Variants in ARHGAP12 observed in about 807,000 individuals in gnomAD.
ARHGAP12 encodes the protein rho GTPase-activating protein 12.
ARHGAP12 carries 64 observed loss-of-function variants against 108.6 expected under a neutral mutation model. The observed-to-expected ratio is 0.59, with a 90% confidence interval of 0.48 to 0.73. The LOEUF (loss-of-function observed/expected upper bound fraction) is 0.73. Among genes scored for constraint, ARHGAP12 ranks in the 30% least tolerant of loss-of-function variants. ARHGAP12 has a pLI of 0.00. For synonymous variants in ARHGAP12, 312 were observed against 337.2 expected, an observed-to-expected ratio of 0.93 and a Z score of 0.82; for missense variants, 940 against 1,005.9, an observed-to-expected ratio of 0.93 and a Z score of 0.89.
chr10:31,914,280 C>T (rs1272280923), intron 1 of ARHGAP12, among the ~76,000 whole-genome samples: 2 of 152,020 alleles, frequency 1.3e-5, no homozygotes, highest in African/African-American at 4.8e-5. Context: ...TGTTTTCTTT[C>T]TATAGTAGGT....
intron 3 of ARHGAP12, among the ~76,000 whole-genome samples, chr10:31,878,963 G>C (rs1218464230): frequency 6.6e-6 from 1 of 152,070 alleles, no homozygotes; most frequent in Non-Finnish European, 1.5e-5. Context: ...TTAACATTAA[G>C]AGTCCCCTTC....
intron 3 of ARHGAP12, among the ~76,000 whole-genome samples, chr10:31,890,593 A>G (rs1239396176): frequency 6.6e-6 from 1 of 152,168 alleles, no homozygotes; most frequent in Non-Finnish European, 1.5e-5. Context: ...TAAGAAAGCT[A>G]AGTAACGACT....
At chr10:31,868,499 T>C (rs547863268) in intron 3 of ARHGAP12, among the ~76,000 whole-genome samples, 4 of 152,284 alleles carry the variant, frequency 2.6e-5, no homozygotes, top group Non-Finnish European at 4.4e-5. Context: ...ACAATAGTAT[T>C]GACCCTATAG....
At chr10:31,854,289 TTGACTA>T (rs903150500) in intron 4 of ARHGAP12, 83 bp from the exon 5 acceptor site, 72 of 1,225,108 alleles carry the variant, frequency 5.9e-5, no homozygotes, top group Non-Finnish European at 7.2e-5. Context: ...TAAATTTTAC[TTGACTA>T]TAAGTATGAA....
At chr10:31,874,318 C>T (rs530091450) in intron 3 of ARHGAP12, among the ~76,000 whole-genome samples, 4 of 152,198 alleles carry the variant, frequency 2.6e-5, no homozygotes, top group South Asian at 2.1e-4. Flanking sequence ...TTGAAAAACA[C>T]TACCTAAGGA....
At chr10:31,884,794 G>A (rs897287448) in intron 3 of ARHGAP12, among the ~76,000 whole-genome samples, 1 of 152,176 alleles carries the variant, frequency 6.6e-6, no homozygotes, top group African/African-American at 2.4e-5. Context: ...TTCATGAAGA[G>A]TCTTGAGATT....
chr10:31,878,513 T>C (rs1233233028), intron 3 of ARHGAP12, among the ~76,000 whole-genome samples: 3 of 152,246 alleles, frequency 2.0e-5, no homozygotes, highest in Non-Finnish European at 4.4e-5. Context: ...ATTTTGTATT[T>C]GAATGTCTTA....
chr10:31,900,751 G>A (rs372319815), intron 3 of ARHGAP12, among the ~76,000 whole-genome samples: 2 of 152,310 alleles, frequency 1.3e-5, no homozygotes, highest in Admixed American at 1.3e-4. Context: ...GTATGGTGCT[G>A]TAATTGTGGA....
intron 7 of ARHGAP12, among the ~76,000 whole-genome samples, chr10:31,839,956 CAAAAG>C (rs927109547): frequency 3.9e-5 from 6 of 151,996 alleles, no homozygotes; most frequent in African/African-American, 1.4e-4. Context: ...TGGAATTACT[CAAAAG>C]AAATGATACA....
At chr10:31,878,887 A>T (rs1837834546) in intron 3 of ARHGAP12, among the ~76,000 whole-genome samples, 1 of 152,252 alleles carries the variant, frequency 6.6e-6, no homozygotes, top group Admixed American at 6.5e-5. Context: ...CAAAAATCAG[A>T]TGAATATGTA....
chr10:31,815,920 C>T (rs1835184944), intron 13 of ARHGAP12, among the ~76,000 whole-genome samples: 2 of 152,088 alleles, frequency 1.3e-5, no homozygotes, highest in African/African-American at 4.8e-5. Flanking sequence ...GAGGCCAAGG[C>T]TGGCAGATCA....
chr10:31,858,191 C>T (rs1836958476), intron 4 of ARHGAP12, among the ~76,000 whole-genome samples: 1 of 152,054 alleles, frequency 6.6e-6, no homozygotes, highest in Non-Finnish European at 1.5e-5. Context: ...GGCAACAGAG[C>T]AAAACCCTGT....
chr10:31,919,335 A>T (rs1038610781), intron 1 of ARHGAP12, among the ~76,000 whole-genome samples: 1 of 152,238 alleles, frequency 6.6e-6, no homozygotes, highest in Non-Finnish European at 1.5e-5. Flanking sequence ...AATTTATTTG[A>T]TGCCACAGAA....
At chr10:31,900,331 T>C (rs181854212) in intron 3 of ARHGAP12, among the ~76,000 whole-genome samples, 8 of 152,302 alleles carry the variant, frequency 5.3e-5, no homozygotes, top group Admixed American at 5.2e-4. Context: ...AGTCATACCA[T>C]ACTAAACAGA....
chr10:31,908,633 T>G lies in ARHGAP12; in HGVS notation c.223A>C (p.Lys75Gln). 6.2e-7 allele frequency: 1 copy of G among 1,614,232 alleles called. No homozygotes were observed. Among genetic ancestry groups the G allele is most frequent in the Non-Finnish European group, 8.5e-7 (1 of 1,180,038 alleles). The stretch of plus-strand genomic sequence containing the variant: ...TGCTTAACAGGTGGCATGAGAGCTT[T>G]GCGCGTGACCTCCTTCACATACTGG... ...PAQYVKEVTR[K>Q]ALMPPVKQVA... Residue 75 changes from lysine to glutamine, a missense_variant, in exon 3 of 20, where the codon AAA becomes CAA. Coordinates refer to ENST00000344936, the MANE Select transcript of ARHGAP12 (RefSeq NM_018287.7).
At chr10:31,839,574 A>G (rs1043729505) in intron 8 of ARHGAP12, 63 bp downstream of exon 8, 20 of 1,421,512 alleles carry the variant, frequency 1.4e-5, no homozygotes, top group Non-Finnish European at 1.8e-5. Context: ...AGAGTAAATT[A>G]ACTTGCTAAA....
At chr10:31,893,677 G>C (rs1239830082) in intron 3 of ARHGAP12, among the ~76,000 whole-genome samples, 5 of 152,166 alleles carry the variant, frequency 3.3e-5, no homozygotes, top group Non-Finnish European at 7.4e-5. Context: ...ACAAGGAGGA[G>C]CTGGTACCAT....
chr10:31,852,829 C>T (rs973956528), intron 5 of ARHGAP12, among the ~76,000 whole-genome samples: 1 of 145,506 alleles, frequency 6.9e-6, no homozygotes, highest in Non-Finnish European at 1.5e-5. Flanking sequence ...GCAGTTCAAG[C>T]AATTCTCCCG....
chr10:31,876,633 G>A (rs541590778), intron 3 of ARHGAP12, among the ~76,000 whole-genome samples: 36 of 150,950 alleles, frequency 2.4e-4, no homozygotes, highest in South Asian at 8.4e-4. Context: ...ATCCAAAAGC[G>A]GAGGAAAAAA....
Sources: allele counts gnomAD v4.1 joint callset (sites outside exome capture counted in the v4.1 genomes callset), GRCh38; gene constraint gnomAD v4.1.1; transcripts MANE v1.5; gene names NCBI Gene and HGNC (gene_info 2026-07-23, HGNC 2026-07-21).